ELMO1: variants seen among roughly 807,000 people sequenced by gnomAD.
ELMO1 encodes the protein engulfment and cell motility protein 1.
Under a neutral mutation model 98.9 loss-of-function variants are expected in ELMO1, and 26 were observed. The ratio of observed to expected loss-of-function variants is 0.26; its 90% CI spans 0.19 to 0.36. ELMO1 has a LOEUF of 0.36. ELMO1 is among the 10% of genes least tolerant of loss of function. The pLI, the probability that ELMO1 is intolerant of heterozygous loss-of-function variation, is 1.00. For missense variants in ELMO1, 627 were observed against 935.2 expected, an observed-to-expected ratio of 0.67 and a Z score of 4.30; for synonymous variants, 346 against 346.0, an observed-to-expected ratio of 1.00 and a Z score of 0.00.
chr7:37,217,300 T>A (rs893498534), intron 10 of ELMO1, among the ~76,000 whole-genome samples: 1 of 152,192 alleles, frequency 6.6e-6, no homozygotes, highest in Non-Finnish European at 1.5e-5. Flanking sequence ...CTGACTGGTA[T>A]GGAGGATTCA....
chr7:37,179,881 T>C (rs1316691546), intron 13 of ELMO1, among the ~76,000 whole-genome samples: 1 of 152,164 alleles, frequency 6.6e-6, no homozygotes, highest in Non-Finnish European at 1.5e-5. Flanking sequence ...GAAGAATTCA[T>C]CCTTCTAGGC....
At chr7:37,239,594 C>A (rs949814956) in intron 7 of ELMO1, among the ~76,000 whole-genome samples, 4 of 152,198 alleles carry the variant, frequency 2.6e-5, no homozygotes, top group South Asian at 2.1e-4. Context: ...AGATTGAGTA[C>A]GAGTTTGGGC....
chr7:37,222,446 G>A (rs888702787), intron 10 of ELMO1, among the ~76,000 whole-genome samples, 169 bp downstream of exon 10: 4 of 152,224 alleles, frequency 2.6e-5, no homozygotes, highest in African/African-American at 7.2e-5. Context: ...GATTTGGGAA[G>A]GACCCCAGCG....
intron 19 of ELMO1, among the ~76,000 whole-genome samples, chr7:36,872,816 T>C (rs1803636569): frequency 6.6e-6 from 1 of 152,248 alleles, no homozygotes; most frequent in African/African-American, 2.4e-5. Flanking sequence ...GTTCTCAAGA[T>C]TCAAATAGAG....
chr7:37,379,508 C>T (rs1300798967), intron 1 of ELMO1, among the ~76,000 whole-genome samples: 2 of 152,186 alleles, frequency 1.3e-5, no homozygotes, highest in African/African-American at 4.8e-5. Flanking sequence ...CCTCCCATGC[C>T]TCACCATTCC....
intron 1 of ELMO1, among the ~76,000 whole-genome samples, chr7:37,365,304 G>T (rs527262488): frequency 6.6e-6 from 1 of 152,290 alleles, no homozygotes; most frequent in Admixed American, 6.5e-5. Flanking sequence ...CAGGCTGGCT[G>T]CAGGGGATCC....
chr7:36,958,749 C>G (rs1788678460), intron 16 of ELMO1, among the ~76,000 whole-genome samples: 2 of 152,204 alleles, frequency 1.3e-5, no homozygotes, highest in Middle Eastern at 3.4e-3. Context: ...AGCATCACCT[C>G]CTCAGTCTCC....
chr7:37,225,634 A>C (rs1232971515), intron 8 of ELMO1, among the ~76,000 whole-genome samples: 1 of 152,214 alleles, frequency 6.6e-6, no homozygotes, highest in Non-Finnish European at 1.5e-5. Flanking sequence ...ATCTCTCCCA[A>C]ATTTAGCAAA....
At chr7:36,910,244 T>C (rs1007541388) in intron 16 of ELMO1, among the ~76,000 whole-genome samples, 1 of 152,260 alleles carries the variant, frequency 6.6e-6, no homozygotes, top group African/African-American at 2.4e-5. Context: ...ATACGCCATA[T>C]AGTGGCAGAG....
In ELMO1 at chr7:37,351,236, A is replaced by G. The variant is rs542252109; in HGVS notation, c.-73-8473T>C. The G allele has an allele frequency of 3.3e-5, 5 of 152,380 alleles. 1 individual carries two copies. Among genetic ancestry groups the G allele is most frequent in the African/African-American group, 1.2e-4 (5 of 41,594 alleles). 9.4% of individuals were successfully genotyped at this position (152,380 alleles called of 1,614,324 possible). A position where few individuals can be genotyped will look rare whatever the true frequency, so the allele number is the denominator to read the frequency against. ...AATTTTTATATATTAAAGTATTTAAAAAATTTAAACACGAATAACAATCTG... is the reference window on the plus strand; with the variant it reads ...AATTTTTATATATTAAAGTATTTAAGAAATTTAAACACGAATAACAATCTG... On this transcript the variant is annotated intron_variant, in intron 1 of 21. Transcript: ENST00000310758.
chr7:36,880,489 C>A (rs960276512), intron 18 of ELMO1, among the ~76,000 whole-genome samples: 1 of 152,102 alleles, frequency 6.6e-6, no homozygotes, highest in Admixed American at 6.6e-5. Flanking sequence ...TGTAAGACTT[C>A]GAAAATTTTG....
At chr7:37,413,879 C>T (rs1804099812) in intron 1 of ELMO1, among the ~76,000 whole-genome samples, 1 of 152,022 alleles carries the variant, frequency 6.6e-6, no homozygotes. Context: ...GGTTTTGTCA[C>T]GTTGCCTATT....
chr7:37,162,677 T>C (rs906850047), intron 13 of ELMO1, among the ~76,000 whole-genome samples: 1 of 152,124 alleles, frequency 6.6e-6, no homozygotes, highest in African/African-American at 2.4e-5. Flanking sequence ...TAAATATATG[T>C]CAAGATTTAC....
intron 13 of ELMO1, among the ~76,000 whole-genome samples, chr7:37,140,727 A>G (rs1411238313): frequency 6.6e-6 from 1 of 152,152 alleles, no homozygotes; most frequent in Non-Finnish European, 1.5e-5. Flanking sequence ...TAAGAACATG[A>G]ATAGACAATT....
chr7:37,205,341 A>G (rs945981198), intron 13 of ELMO1, among the ~76,000 whole-genome samples: 10 of 152,224 alleles, frequency 6.6e-5, no homozygotes, highest in Non-Finnish European at 8.8e-5. Flanking sequence ...TTTGCCAACC[A>G]GTGAATATAT....
chr7:37,239,537 T>A (rs993779456), intron 7 of ELMO1, among the ~76,000 whole-genome samples: 24 of 152,198 alleles, frequency 1.6e-4, no homozygotes, highest in African/African-American at 4.8e-4. Flanking sequence ...GATGTGTCAG[T>A]TTTAGTCCTC....
chr7:37,017,667 C>T (rs545254842), intron 15 of ELMO1, among the ~76,000 whole-genome samples: 9 of 152,234 alleles, frequency 5.9e-5, no homozygotes, highest in African/African-American at 2.2e-4. Flanking sequence ...AAAATGAGGG[C>T]TATACCCTAG....
At chr7:37,162,308 G>A (rs1789279926) in intron 13 of ELMO1, among the ~76,000 whole-genome samples, 1 of 152,112 alleles carries the variant, frequency 6.6e-6, no homozygotes, top group Non-Finnish European at 1.5e-5. Context: ...ATGAACAGCT[G>A]CCTCGTGGGG....
intron 13 of ELMO1, among the ~76,000 whole-genome samples, chr7:37,169,387 A>T (rs1407968624): frequency 6.6e-6 from 1 of 152,066 alleles, no homozygotes; most frequent in African/African-American, 2.4e-5. Flanking sequence ...AGTGAGATGA[A>T]CCCGGTACCT....
Sources: allele counts gnomAD v4.1 joint callset (sites outside exome capture counted in the v4.1 genomes callset), GRCh38; gene constraint gnomAD v4.1.1; transcripts MANE v1.5; gene names NCBI Gene and HGNC (gene_info 2026-07-23, HGNC 2026-07-21).